Variants in FSD1 observed in about 807,000 individuals in gnomAD.
FSD1 encodes fibronectin type III and SPRY domain-containing protein 1.
FSD1 carries 23 observed loss-of-function variants against 58.2 expected under a neutral mutation model. That is an observed-to-expected ratio of 0.40 (90% CI 0.28 to 0.56). The LOEUF (loss-of-function observed/expected upper bound fraction) is 0.56, where lower values mean the gene tolerates loss of function less well. Ranked by LOEUF, FSD1 falls within the 20% of genes least tolerant of loss-of-function variation. FSD1 has a pLI of 0.54. For missense variants in FSD1, 563 were observed against 670.8 expected, an observed-to-expected ratio of 0.84 and a Z score of 1.78; for synonymous variants, 265 against 263.4, an observed-to-expected ratio of 1.01 and a Z score of -0.06.
chr19:4,323,588 G>T lies in FSD1; in HGVS notation c.1436G>T (p.Arg479Leu). The T allele has an allele frequency of 6.2e-7, 1 of 1,612,954 alleles. No individual in the cohort carries two copies. The highest frequency in any genetic ancestry group is 8.5e-7 in the Non-Finnish European group (1 of 1,179,632). Residue 479 changes from arginine to leucine, a missense_variant, in exon 13 of 13, where the codon CGC becomes CTC. Coordinates refer to ENST00000221856, the MANE Select transcript of FSD1 (RefSeq NM_024333.3). This position sits in a 1 kb window ranked among gnomAD's most constrained non-coding sequence, Gnocchi z 7.7. Reference sequence around the variant, plus strand: ...GGCCTGCAGGTCCCCAGTGCTGTGCGCTGCCTGCAAAAGCGAGGCAGTGCT... The same window carrying T: ...GGCCTGCAGGTCCCCAGTGCTGTGCTCTGCCTGCAAAAGCGAGGCAGTGCT... ...TTGLQVPSAVRCLQKRGSATS... is the reference protein window; with the variant it reads ...TTGLQVPSAVLCLQKRGSATS...
At chr19:4,320,221 A>G (rs11669913) in intron 10 of FSD1, among the ~76,000 whole-genome samples, 16,177 of 151,942 alleles carry the variant, frequency 0.11, 1,069 homozygotes, top group African/African-American at 0.18. Context: ...TGGGGTCTGG[A>G]TAGAATCTGG....
chr19:4,309,850 A>G (rs1971668208), intron 4 of FSD1, among the ~76,000 whole-genome samples: 1 of 150,648 alleles, frequency 6.6e-6, no homozygotes, highest in South Asian at 2.1e-4. Flanking sequence ...CGGAGCTTGC[A>G]GTGAGCCGAG....
chr19:4,309,000 G>A (rs1345366047), intron 4 of FSD1, among the ~76,000 whole-genome samples: 2 of 152,146 alleles, frequency 1.3e-5, no homozygotes, highest in Admixed American at 6.6e-5. Context: ...GTGTGAACCC[G>A]GGAGGCAGAG....
chr19:4,320,891 A>G (rs192530514), intron 10 of FSD1, among the ~76,000 whole-genome samples: 1 of 142,146 alleles, frequency 7.0e-6, no homozygotes, highest in East Asian at 2.2e-4. Flanking sequence ...ATCCGGGGAA[A>G]TAGCTGGGAC....
At chr19:4,317,815 G>A (rs958655028) in intron 8 of FSD1, among the ~76,000 whole-genome samples, 10 of 152,152 alleles carry the variant, frequency 6.6e-5, no homozygotes, top group African/African-American at 1.9e-4. Flanking sequence ...TCAGGAGTTC[G>A]AAACCAGCCT....
At chr19:4,310,444 C>T (rs754684683) in intron 5 of FSD1, 31 bp from the exon 6 acceptor site, 5 of 1,606,024 alleles carry the variant, frequency 3.1e-6, no homozygotes, top group Non-Finnish European at 4.3e-6. Flanking sequence ...GCCTGGTCCC[C>T]CACGCAACGC....
Position 4,317,270 on chromosome 19 carries a change from G to A in FSD1, c.789G>A (p.Leu263=). ...VAGEFSEPVT[L]ETPAFMFRLD... ...GAGAGTTCTCTGAGCCGGTGACTCT[G>A]GAGACACCAGGTGACTGGATTCCAC... is the stretch of plus-strand genomic sequence containing the variant. Residue 263 remains leucine (L), a synonymous_variant, in exon 8 of 13, where the codon CTG becomes CTA. Transcript: ENST00000221856. 6.3e-7 allele frequency: 1 copy of A among 1,590,304 alleles called. No homozygotes were observed. Among genetic ancestry groups the A allele is most frequent in the African/African-American group, 1.3e-5 (1 of 74,620 alleles).
At chr19:4,307,367 T>TTTTG (rs1971633771) in intron 3 of FSD1, among the ~76,000 whole-genome samples, 3 of 151,396 alleles carry the variant, frequency 2.0e-5, no homozygotes, top group Non-Finnish European at 1.5e-5. Context: ...ATGTGAGTTT[T>TTTTG]TTTTGTTTTG....
chr19:4,310,440 T>G (rs1323775460), intron 5 of FSD1, 35 bp from the exon 6 acceptor site: 2 of 1,605,718 alleles, frequency 1.2e-6, no homozygotes, highest in East Asian at 4.5e-5. Context: ...CCAGGCCTGG[T>G]CCCCCACGCA....
chr19:4,308,477 G>C (rs558146818), intron 4 of FSD1, among the ~76,000 whole-genome samples: 1 of 151,936 alleles, frequency 6.6e-6, no homozygotes, highest in Admixed American at 6.6e-5. Context: ...AATACCAGCA[G>C]TTTGGGAGGC....
rs1971615597 is a variant in FSD1, at chr19:4,305,935, TG to T, written c.16-9del. 6.2e-7 allele frequency: 1 copy of T among 1,608,026 alleles called. No individual in the cohort carries two copies. The highest frequency in any genetic ancestry group is 1.3e-5 in the African/African-American group (1 of 74,800). On this transcript the variant is annotated splice_polypyrimidine_tract_variant and intron_variant, in intron 1 of 12. Transcript: ENST00000221856. Reference sequence around the variant, plus strand: ...GTGCACCTGTGTGTGTCCACACTTCTGGTGGTGCAGGAGGCCCTGAGGAAGA... The same window carrying T: ...GTGCACCTGTGTGTGTCCACACTTCTGTGGTGCAGGAGGCCCTGAGGAAGA...
intron 6 of FSD1, 73 bp downstream of exon 6, chr19:4,310,669 G>T: frequency 6.5e-7 from 1 of 1,538,278 alleles, no homozygotes. Flanking sequence ...CCTGAAACAG[G>T]ACCTGGAGTA....
chr19:4,320,743 G>A (rs1971804853), intron 10 of FSD1, among the ~76,000 whole-genome samples: 1 of 151,422 alleles, frequency 6.6e-6, no homozygotes, highest in Non-Finnish European at 1.5e-5. Context: ...GGGGGGAAAA[G>A]CTGGGACTGA....
chr19:4,315,301 ATTTTTTT>A (rs1219053251), intron 7 of FSD1, among the ~76,000 whole-genome samples: 107 of 79,574 alleles, frequency 1.3e-3, no homozygotes, highest in African/African-American at 5.8e-3. Context: ...CGCCTGGTTA[ATTTTTTT>A]TTTTTTTTTT....
intron 8 of FSD1, among the ~76,000 whole-genome samples, chr19:4,317,692 C>T (rs907306666): frequency 6.6e-6 from 1 of 152,160 alleles, no homozygotes; most frequent in Non-Finnish European, 1.5e-5. Flanking sequence ...ATTAGTCCTC[C>T]ATGGAAGCAC....
At chr19:4,321,857 A>G (rs551654302) in intron 10 of FSD1, among the ~76,000 whole-genome samples, 65 of 151,386 alleles carry the variant, frequency 4.3e-4, no homozygotes, top group African/African-American at 1.5e-3. Context: ...CCCAAGGAGT[A>G]TCTGGGAGAA....
intron 10 of FSD1, among the ~76,000 whole-genome samples, chr19:4,320,768 A>C (rs957133265): frequency 5.5e-5 from 7 of 127,452 alleles, no homozygotes; most frequent in Non-Finnish European, 1.0e-4. Flanking sequence ...TATCTGGGGG[A>C]AACAGCTGGG....
In FSD1 at chr19:4,312,839, T is replaced by TA. The variant is rs1030352276; in HGVS notation, c.700+790dup. Among the ~76,000 whole-genome samples the TA allele has an allele frequency of 6.7e-5, 10 of 149,336 alleles. No individual in the cohort carries two copies. In the South Asian group the frequency reaches 8.4e-4, roughly 13 times the overall value. ...ATAAATAAATAAATAAATAAATAAA[T>TA]AATAATAATGAATATATTTTTCCAG... is the stretch of plus-strand genomic sequence containing the variant. On this transcript the variant is annotated intron_variant, in intron 7 of 12. Transcript: ENST00000221856.
At chr19:4,305,627 C>T (rs1971609593) in intron 1 of FSD1, among the ~76,000 whole-genome samples, 1 of 152,214 alleles carries the variant, frequency 6.6e-6, no homozygotes, top group Admixed American at 6.5e-5. Flanking sequence ...GCTTAGGGCG[C>T]CCAGCTGCTA....
Sources: gnomAD v4.1 joint callset for allele counts (sites outside exome capture counted in the v4.1 genomes callset) on GRCh38, gnomAD v4.1.1 for gene constraint, Gnocchi (gnomAD v3.1) non-coding constraint, MANE v1.5 for transcripts, NCBI Gene and HGNC (gene_info 2026-07-23, HGNC 2026-07-21) for gene names.